Variants in STPG2 observed in about 807,000 individuals in gnomAD.
STPG2 encodes sperm tail PG-rich repeat containing 2.
Under a neutral mutation model 54.2 loss-of-function variants are expected in STPG2, and 56 were observed. That is an observed-to-expected ratio of 1.03 (90% confidence interval 0.83 to 1.29). The LOEUF (loss-of-function observed/expected upper bound fraction) is 1.29. Among genes scored for constraint, STPG2 ranks in the 50% most tolerant of loss-of-function variants. The probability of loss-of-function intolerance (pLI) is 0.00; values close to 1 mark genes in which losing one functional copy is unlikely to be tolerated. For missense variants in STPG2, 596 were observed against 544.9 expected, an observed-to-expected ratio of 1.09 and a Z score of -0.93; for synonymous variants, 200 against 181.8, an observed-to-expected ratio of 1.10 and a Z score of -0.81.
rs184457243 is a variant in STPG2 at position 97,465,787 on chromosome 4, G to T, written c.462+246912C>A. Among the ~76,000 whole-genome samples the T allele has an allele frequency of 1.8e-3, 280 of 151,710 alleles. 1 individual carries two copies. The highest frequency in any genetic ancestry group is 6.4e-3 in the African/African-American group (267 of 41,404). On this transcript the variant is annotated intron_variant, in intron 4 of 4. Transcript: ENST00000522676. ...GTATATTTTTATTTGTATCATTTTT[G>T]CTGTTGAATTGTACTTTTTGATGTT...
At chr4:97,764,112 GCACACACACA>G (rs3974908) in intron 9 of STPG2, among the ~76,000 whole-genome samples, 121 of 141,180 alleles carry the variant, frequency 8.6e-4, no homozygotes, top group Non-Finnish European at 1.2e-3. Flanking sequence ...AACACCACAT[GCACACACACA>G]CACACACACA....
At chr4:97,695,465 T>C (rs1723539346) in intron 10 of STPG2, among the ~76,000 whole-genome samples, 1 of 152,206 alleles carries the variant, frequency 6.6e-6, no homozygotes, top group South Asian at 2.1e-4. Flanking sequence ...ACCACTTCTA[T>C]TCAACATAGT....
At chr4:97,939,722 A>AC (rs1451278357) in intron 8 of STPG2, among the ~76,000 whole-genome samples, 1 of 152,098 alleles carries the variant, frequency 6.6e-6, no homozygotes, top group African/African-American at 2.4e-5. Flanking sequence ...TCACTTGAAA[A>AC]CAGCATACAA....
chr4:97,661,778 A>G (rs1722382941), intron 10 of STPG2, among the ~76,000 whole-genome samples: 1 of 152,134 alleles, frequency 6.6e-6, no homozygotes. Context: ...CTTATGTTCC[A>G]CACTTTACTT....
At chr4:97,893,488 C>T (rs902524928) in intron 8 of STPG2, among the ~76,000 whole-genome samples, 4 of 151,964 alleles carry the variant, frequency 2.6e-5, no homozygotes, top group African/African-American at 4.8e-5. Context: ...ATATAACACT[C>T]CTAGAAGTTG....
intron 10 of STPG2, among the ~76,000 whole-genome samples, chr4:97,697,061 G>A (rs1383872415): frequency 6.6e-6 from 1 of 152,136 alleles, no homozygotes; most frequent in East Asian, 1.9e-4. Context: ...AGCTTGAATT[G>A]CACCTCTCTG....
intron 8 of STPG2, among the ~76,000 whole-genome samples, chr4:97,924,422 G>A (rs1424656127): frequency 6.6e-6 from 1 of 152,182 alleles, no homozygotes; most frequent in African/African-American, 2.4e-5. Flanking sequence ...CAATGGGAAG[G>A]TCATTAGTAC....
At position 97,680,031 on chromosome 4, in the gene STPG2, C is replaced by T. The variant is rs1376064177; in HGVS notation, c.1320+32668G>A. 2.0e-5 allele frequency among the ~76,000 whole-genome samples: 3 copies of T among 151,978 alleles called. No individual in the cohort carries two copies. In the South Asian group the frequency reaches 6.2e-4, roughly 32 times the overall value. On this transcript the variant is annotated intron_variant, in intron 10 of 10. Transcript: ENST00000295268. Reference sequence around the variant, plus strand: ...GCCATGCTGTTTTGGTTACTGTAGCCTTGTAGTATAGTTTGAAATCAGGTA... The same window carrying T: ...GCCATGCTGTTTTGGTTACTGTAGCTTTGTAGTATAGTTTGAAATCAGGTA...
chr4:97,634,926 A>T (rs1225475887), intron 10 of STPG2, among the ~76,000 whole-genome samples: 1 of 152,172 alleles, frequency 6.6e-6, no homozygotes, highest in East Asian at 1.9e-4. Flanking sequence ...GCAGGATATT[A>T]TCCAGGAGAA....
chr4:97,542,975 G>C lies in STPG2; in HGVS notation c.462+169724C>G, dbSNP rs186579438. 6.9e-3 allele frequency among the ~76,000 whole-genome samples: 1,043 copies of C among 152,090 alleles called. 14 individuals carry two copies. The highest frequency in any genetic ancestry group is 0.024 in the African/African-American group (996 of 41,462). ...AACATCACACACCAGGGCCTGTTGT[G>C]GGGTGGGGAGAAGGGGGAGGGATAG... is the stretch of plus-strand genomic sequence containing the variant. On this transcript the variant is annotated intron_variant, in intron 4 of 4. Transcript: ENST00000522676.
At chr4:97,764,143 G>C (rs1421036217) in intron 9 of STPG2, among the ~76,000 whole-genome samples, 2 of 129,584 alleles carry the variant, frequency 1.5e-5, no homozygotes, top group South Asian at 2.6e-4. Flanking sequence ...CACACACACA[G>C]AGGCACAGAC....
intron 5 of STPG2, among the ~76,000 whole-genome samples, chr4:98,059,557 C>T (rs1402683711): frequency 4.0e-5 from 6 of 151,570 alleles, no homozygotes; most frequent in African/African-American, 1.5e-4. Context: ...TTCTATGAGG[C>T]CAATATCATC....
chr4:97,807,497 C>A (rs775597114), intron 9 of STPG2, among the ~76,000 whole-genome samples: 1 of 151,454 alleles, frequency 6.6e-6, no homozygotes, highest in Non-Finnish European at 1.5e-5. Context: ...TACTGCCTAT[C>A]GTGGAAATAA....
chr4:97,889,325 C>T (rs1159537346), intron 8 of STPG2, among the ~76,000 whole-genome samples: 1 of 151,988 alleles, frequency 6.6e-6, no homozygotes, highest in Non-Finnish European at 1.5e-5. Context: ...GTGTATATAC[C>T]CAAAGGGAAG....
intron 9 of STPG2, among the ~76,000 whole-genome samples, chr4:97,760,628 T>G (rs1725863494): frequency 6.6e-6 from 1 of 152,144 alleles, no homozygotes; most frequent in Non-Finnish European, 1.5e-5. Flanking sequence ...AATATAATAC[T>G]AAGCATCTAA....
chr4:97,704,289 T>G (rs1173321092), intron 10 of STPG2, among the ~76,000 whole-genome samples: 1 of 152,176 alleles, frequency 6.6e-6, no homozygotes, highest in Non-Finnish European at 1.5e-5. Context: ...ATCCAAATGA[T>G]CTTTCTGGGC....
chr4:98,025,921 A>G, intron 5 of STPG2: 1 of 1,498,642 alleles, frequency 6.7e-7, no homozygotes, highest in African/African-American at 1.4e-5. Flanking sequence ...GTACCAAATG[A>G]TTCCCTGGTT....
At chr4:97,931,894 G>A (rs1181723339) in intron 8 of STPG2, among the ~76,000 whole-genome samples, 1 of 151,880 alleles carries the variant, frequency 6.6e-6, no homozygotes, top group Non-Finnish European at 1.5e-5. Context: ...TAGTTGGTAG[G>A]CTATTTATTA....
intron 5 of STPG2, among the ~76,000 whole-genome samples, chr4:98,084,469 C>A (rs577445884): frequency 6.6e-6 from 1 of 152,146 alleles, no homozygotes; most frequent in Non-Finnish European, 1.5e-5. Flanking sequence ...ATTTCTGTTA[C>A]ACGAATAGGA....
Sources: gnomAD v4.1 joint callset for allele counts (sites outside exome capture counted in the v4.1 genomes callset) on GRCh38, gnomAD v4.1.1 for gene constraint, MANE v1.5 for transcripts, NCBI Gene and HGNC (gene_info 2026-07-23, HGNC 2026-07-21) for gene names.